The following HAVCR2 variants were observed in gnomAD, a reference collection of about 807,000 sequenced individuals.
HAVCR2 encodes the protein T cell immunoglobulin mucin 3.
HAVCR2 carries 13 observed loss-of-function variants against 24.7 expected under a neutral mutation model. The observed-to-expected ratio is 0.53, with a 90% CI of 0.34 to 0.84. The LOEUF (loss-of-function observed/expected upper bound fraction) is 0.84, where lower values mean the gene tolerates loss of function less well. HAVCR2 is among the 40% of genes least tolerant of loss of function. The pLI is 0.01. For synonymous variants in HAVCR2, 154 were observed against 143.4 expected (o/e 1.07, Z -0.53); for missense variants, 343 against 371.2 (o/e 0.92, Z 0.62).
In HAVCR2 at chr5:157,095,324, C is replaced by G; in HGVS notation, c.658G>C (p.Gly220Arg). ...CAGLALALIF[G>R]ALIFKWYSHS... Reference sequence around the variant, plus strand: ...CACTTACATTTGAAAATTAAAGCGCCGAAGATAAGAGCCAGAGCCAGCCCA... The same window carrying G: ...CACTTACATTTGAAAATTAAAGCGCGGAAGATAAGAGCCAGAGCCAGCCCA... The change falls in exon 5 of 7, where the codon GGC becomes CGC. Residue 220 changes from glycine (G) to arginine (R), a missense_variant. By Grantham distance (125) the Gly-to-Arg change is moderately radical. Transcript: ENST00000307851. 5.6e-6 allele frequency: 9 copies of G among 1,613,490 alleles called. No individual in the cohort carries two copies. Among genetic ancestry groups the G allele is most frequent in the South Asian group, 1.1e-5 (1 of 90,992 alleles).
chr5:157,088,036 C>T (rs953129933), intron 6 of HAVCR2, among the ~76,000 whole-genome samples: 2 of 152,138 alleles, frequency 1.3e-5, no homozygotes, highest in Non-Finnish European at 1.5e-5. Context: ...TGGCTCATTG[C>T]AGCCTTCATC....
intron 3 of HAVCR2, among the ~76,000 whole-genome samples, chr5:157,104,182 C>T (rs891087777): frequency 3.3e-5 from 5 of 152,194 alleles, no homozygotes; most frequent in Admixed American, 1.3e-4. Flanking sequence ...ACCCTGAGTA[C>T]GTCCTTGCTG....
At chr5:157,108,061 A>T (rs942056058) in intron 1 of HAVCR2, among the ~76,000 whole-genome samples, 3 of 149,514 alleles carry the variant, frequency 2.0e-5, no homozygotes, top group Admixed American at 6.6e-5. Flanking sequence ...TAATTCCATT[A>T]AAAAAAAACT....
intron 5 of HAVCR2, among the ~76,000 whole-genome samples, chr5:157,092,725 C>A (rs1176358044): frequency 6.6e-6 from 1 of 151,536 alleles, no homozygotes; most frequent in South Asian, 2.1e-4. Context: ...GGATTACAGG[C>A]GTAAGCCACC....
At chr5:157,097,116 A>T (rs542840617) in intron 4 of HAVCR2, among the ~76,000 whole-genome samples, 4 of 152,330 alleles carry the variant, frequency 2.6e-5, no homozygotes, top group African/African-American at 9.6e-5. Context: ...TTGTGGGCAC[A>T]TACAGGTCCT....
At chr5:157,087,902 CAA>C (rs753842431) in intron 6 of HAVCR2, among the ~76,000 whole-genome samples, 13 of 88,810 alleles carry the variant, frequency 1.5e-4, no homozygotes, top group Admixed American at 3.7e-4. Flanking sequence ...GACTCCGTCT[CAA>C]AAAAAAAAAA....
intron 5 of HAVCR2, among the ~76,000 whole-genome samples, chr5:157,089,459 C>A (rs1479115570): frequency 2.0e-5 from 3 of 151,712 alleles, no homozygotes; most frequent in Admixed American, 1.3e-4. Context: ...TCACATGAAC[C>A]CGGGAGACGG....
intron 2 of HAVCR2, 139 bp downstream of exon 2, chr5:157,106,488 G>A (rs1757253667): frequency 1.5e-6 from 1 of 662,652 alleles, no homozygotes; most frequent in South Asian, 1.9e-5. Context: ...ATCACCAATG[G>A]GGCCTGTTAA....
At chr5:157,103,004 G>A (rs1456572717) in intron 3 of HAVCR2, among the ~76,000 whole-genome samples, 1 of 151,448 alleles carries the variant, frequency 6.6e-6, no homozygotes, top group African/African-American at 2.4e-5. Flanking sequence ...ACAAGTATAA[G>A]GAAATGCACC....
chr5:157,087,029 A>T lies in HAVCR2; in HGVS notation c.*73T>A. On this transcript the variant is annotated 3_prime_UTR_variant, in exon 7 of 7. Coordinates refer to ENST00000307851, the MANE Select transcript of HAVCR2 (RefSeq NM_032782.5). ...CCATAGCAGTGGACAGAACCTCCAA[A>T]ACCAGTCAGGTGACACAGCTCATAG... The T allele has an allele frequency of 7.2e-7, 1 of 1,395,952 alleles. No individual in the cohort carries two copies. Among genetic ancestry groups the T allele is most frequent in the Non-Finnish European group, 1.0e-6 (1 of 1,000,446 alleles). 86.5% of individuals were successfully genotyped at this position (1,395,952 alleles called of 1,614,324 possible).
rs768503102 is a variant in HAVCR2, at chr5:157,088,928, C to T, written c.713+13G>A. The T allele has an allele frequency of 1.2e-6, 2 of 1,607,314 alleles. No individual in the cohort carries two copies. The highest frequency in any genetic ancestry group is 3.4e-5 in the Admixed American group (2 of 59,436). On this transcript the variant is annotated intron_variant, in intron 6 of 6. Transcript: ENST00000307851. Reference sequence around the variant, plus strand: ...ATTCTCACCTTTTCCCAACCCCATTCCATTATTCTTACCTTAAATTCTGTA... The same window carrying T: ...ATTCTCACCTTTTCCCAACCCCATTTCATTATTCTTACCTTAAATTCTGTA...
Position 157,095,405 on chromosome 5 carries a change from G to T in HAVCR2, c.577C>A (p.Arg193=), listed in dbSNP as rs377660703. ...LRDSRLANDL[R]DSGATIRIGI... The stretch of plus-strand genomic sequence containing the variant: ...ATTCTGATGGTTGCTCCAGAGTCCC[G>T]TAAGTCATTGGCCAATCTAGAGTCC... Residue 193 remains arginine, a synonymous_variant, in exon 5 of 7, where the codon CGG becomes AGG. Coordinates refer to ENST00000307851, the MANE Select transcript of HAVCR2 (RefSeq NM_032782.5). 3 of 1,613,904 alleles carry T rather than the reference G, an allele frequency of 1.9e-6. No homozygotes were observed. The highest frequency in any genetic ancestry group is 1.3e-5 in the African/African-American group (1 of 74,888).
Position 157,095,917 on chromosome 5 carries a change from G to A in HAVCR2, c.523-458C>T, listed in dbSNP as rs549070184. Among the ~76,000 whole-genome samples the A allele has an allele frequency of 3.3e-5, 5 of 152,128 alleles. No individual in the cohort carries two copies. The South Asian group carries it at 6.2e-4, about 19-fold the overall frequency. Reference sequence around the variant, plus strand: ...AATAGCCAAGACTTTACAGCCAGACGGTCGTGGATTCAAATCCCAGCTCTG... The same window carrying A: ...AATAGCCAAGACTTTACAGCCAGACAGTCGTGGATTCAAATCCCAGCTCTG... On this transcript the variant is annotated intron_variant, in intron 4 of 6. Coordinates refer to ENST00000307851, the MANE Select transcript of HAVCR2 (RefSeq NM_032782.5).
intron 3 of HAVCR2, among the ~76,000 whole-genome samples, chr5:157,103,214 GA>G (rs905416373): frequency 2.0e-5 from 3 of 151,284 alleles, no homozygotes; most frequent in Non-Finnish European, 4.4e-5. Flanking sequence ...ATACAAAAAA[GA>G]AAAAAATTAG....
Position 157,086,322 on chromosome 5 carries a change from A to G in HAVCR2, c.*780T>C, listed in dbSNP as rs538410502. The G allele has an allele frequency of 8.5e-5, 13 of 152,346 alleles. No individual in the cohort carries two copies. The East Asian group carries it at 2.5e-3, about 29-fold the overall frequency. The allele number at this position is 152,346 out of a possible 1,614,324, so 9.4% of individuals were successfully genotyped here. On this transcript the variant is annotated 3_prime_UTR_variant, in exon 7 of 7. Transcript: ENST00000307851. ...ACATTCCAAGGGAATCTTCAAGATC[A>G]AGGTAGACCTGGTCCAGTCATCTCT...
At position 157,102,912 on chromosome 5, in the gene HAVCR2, G is replaced by A. The variant is rs1158508219; in HGVS notation, c.478+1754C>T. On this transcript the variant is annotated intron_variant, in intron 3 of 6. Coordinates refer to ENST00000307851, the MANE Select transcript of HAVCR2 (RefSeq NM_032782.5). ...ATCGTGTCATTGCACTCCAGCCTGGGTGAGAGAGTGAGACTCCGTCTCAAA... is the reference window on the plus strand; with the variant it reads ...ATCGTGTCATTGCACTCCAGCCTGGATGAGAGAGTGAGACTCCGTCTCAAA... Among the ~76,000 whole-genome samples the A allele has an allele frequency of 5.7e-5, 8 of 139,726 alleles. No homozygotes were observed. The East Asian group carries it at 1.3e-3, about 23-fold the overall frequency. 91.7% of individuals were successfully genotyped at this position (139,726 alleles called of 152,430 possible).
intron 5 of HAVCR2, among the ~76,000 whole-genome samples, chr5:157,093,592 G>A (rs752148910): frequency 1.1e-4 from 16 of 152,034 alleles, no homozygotes; most frequent in African/African-American, 2.7e-4. Flanking sequence ...GTCATATTAC[G>A]CTCTGGGGCA....
rs1198030113 is a variant in HAVCR2, at chr5:157,103,319, C to G, written c.478+1347G>C. Among the ~76,000 whole-genome samples the G allele has an allele frequency of 4.0e-5, 6 of 151,132 alleles. 1 individual carries two copies. Among genetic ancestry groups the G allele is most frequent in the Admixed American group, 4.0e-4 (6 of 15,152 alleles). On this transcript the variant is annotated intron_variant, in intron 3 of 6. Coordinates refer to ENST00000307851, the MANE Select transcript of HAVCR2 (RefSeq NM_032782.5). The stretch of plus-strand genomic sequence containing the variant: ...CCAGGAGGCGGAACTTGCAGTGAGC[C>G]GAGATTGCGCCACTGCACTCTAGTC...
chr5:157,107,069 G>T, intron 1 of HAVCR2, 107 bp from the exon 2 acceptor site: 1 of 869,102 alleles, frequency 1.2e-6, no homozygotes, highest in Non-Finnish European at 1.8e-6. Context: ...AGCTACTGCT[G>T]CAGTCCTGTT....
Sources: allele counts gnomAD v4.1 joint callset (sites outside exome capture counted in the v4.1 genomes callset), GRCh38; gene constraint gnomAD v4.1.1; transcripts MANE v1.5; gene names NCBI Gene and HGNC (gene_info 2026-07-23, HGNC 2026-07-21).